The following IMPG1 variants were observed in gnomAD, a reference collection of about 807,000 sequenced individuals.
IMPG1 encodes the protein interphotoreceptor matrix proteoglycan of 150 kDa.
A neutral mutation model predicts 92.0 loss-of-function variants in IMPG1; 85 were observed. The observed-to-expected ratio is 0.92, with a 90% CI of 0.78 to 1.11. The LOEUF is 1.11. IMPG1 is among the 50% of genes least tolerant of loss of function. The pLI is 0.00. For missense variants in IMPG1, 1,022 were observed against 956.0 expected, an observed-to-expected ratio of 1.07 and a Z score of -0.91; for synonymous variants, 367 against 334.1, an observed-to-expected ratio of 1.10 and a Z score of -1.08.
chr6:75,992,210 C>T (rs1782823733), intron 12 of IMPG1, among the ~76,000 whole-genome samples: 2 of 152,204 alleles, frequency 1.3e-5, no homozygotes, highest in Admixed American at 1.3e-4. Context: ...CCTGGTTTTC[C>T]AGCCTGCCAC....
At chr6:75,974,365 TTCTTTC>T (rs1782481679) in intron 12 of IMPG1, among the ~76,000 whole-genome samples, 1 of 125,418 alleles carries the variant, frequency 8.0e-6, no homozygotes, top group East Asian at 2.4e-4. Context: ...CTTTCTTTCT[TTCTTTC>T]TTTCTTTCTT....
At chr6:76,002,366 A>G (rs1783007112) in intron 12 of IMPG1, among the ~76,000 whole-genome samples, 1 of 152,240 alleles carries the variant, frequency 6.6e-6, no homozygotes, top group South Asian at 2.1e-4. Context: ...TTGGAGATTC[A>G]AAAGTGAATC....
chr6:76,002,781 T>C, intron 12 of IMPG1, 137 bp downstream of exon 12: 1 of 669,412 alleles, frequency 1.5e-6, no homozygotes, highest in South Asian at 1.7e-5. Flanking sequence ...ACTGCTTTTC[T>C]GTTGGAAATG....
chr6:75,972,891 G>T (rs916173191), intron 12 of IMPG1, among the ~76,000 whole-genome samples: 1 of 152,180 alleles, frequency 6.6e-6, no homozygotes, highest in African/African-American at 2.4e-5. Context: ...AGTAAACCTG[G>T]AGAAGAGAAA....
chr6:76,055,576 TCA>T (rs1784107516), intron 1 of IMPG1, among the ~76,000 whole-genome samples: 1 of 151,240 alleles, frequency 6.6e-6, no homozygotes, highest in African/African-American at 2.4e-5. Context: ...GTGAAAGAGA[TCA>T]TAAATATAAA....
intron 7 of IMPG1, among the ~76,000 whole-genome samples, chr6:76,012,759 G>A (rs1268392513): frequency 6.6e-6 from 1 of 152,088 alleles, no homozygotes; most frequent in Non-Finnish European, 1.5e-5. Context: ...TCAGTGATAC[G>A]CAGCCTTGAG....
At chr6:76,047,600 C>A (rs1186778273) in intron 1 of IMPG1, among the ~76,000 whole-genome samples, 1 of 152,198 alleles carries the variant, frequency 6.6e-6, no homozygotes, top group African/African-American at 2.4e-5. Context: ...GTATTGTAAT[C>A]TTGCCCTCCC....
chr6:75,977,290 T>C (rs550443084), intron 12 of IMPG1, among the ~76,000 whole-genome samples: 4 of 152,174 alleles, frequency 2.6e-5, no homozygotes, highest in Non-Finnish European at 4.4e-5. Flanking sequence ...TTAAGATTGC[T>C]GCTAAAGACT....
In IMPG1 at chr6:75,974,408, C is replaced by CCTTCCTTG. The variant is rs1562354959; in HGVS notation, c.1292-23315_1292-23314insCAAGGAAG. ...CTTTCTTTCTTTTCTTTCTTTCCTT[C>CCTTCCTTG]CTTCCTTCCTTCCTTCCTTGCTTCC... On this transcript the variant is annotated intron_variant, in intron 12 of 16. Transcript: ENST00000369950. 2.3e-4 allele frequency among the ~76,000 whole-genome samples: 28 copies of CCTTCCTTG among 123,088 alleles called. No individual in the cohort carries two copies. The East Asian group carries it at 5.0e-3, about 22-fold the overall frequency. The allele number at this position is 123,088 out of a possible 152,430, so 80.8% of individuals were successfully genotyped here.
At chr6:75,925,403 C>T (rs554656206) in intron 15 of IMPG1, among the ~76,000 whole-genome samples, 13 of 152,028 alleles carry the variant, frequency 8.6e-5, no homozygotes, top group Non-Finnish European at 1.5e-5. Context: ...TATATATATT[C>T]CCTTATTCAA....
chr6:76,013,133 G>A (rs1412597152), intron 7 of IMPG1, among the ~76,000 whole-genome samples: 1 of 152,052 alleles, frequency 6.6e-6, no homozygotes, highest in East Asian at 1.9e-4. Context: ...GGAAGGAGAA[G>A]GTATCTCCTT....
At position 75,931,032 on chromosome 6, in the gene IMPG1, G is replaced by A. The variant is rs545180592; in HGVS notation, c.2164C>T (p.Leu722=). The A allele has an allele frequency of 2.0e-5, 32 of 1,614,214 alleles. No individual in the cohort carries two copies. Among genetic ancestry groups the A allele is most frequent in the Non-Finnish European group, 2.5e-5 (30 of 1,180,038 alleles). The change falls in exon 15 of 17, where the codon CTG becomes TTG. Residue 722 remains leucine (L), a synonymous_variant. Coordinates refer to ENST00000369950, the MANE Select transcript of IMPG1 (RefSeq NM_001563.4). ...CAGAGGCCTGGTTCCAGACCGTCCA[G>A]GCTCCCCTGGCTGTCATATCCTGGT... ...CKPGYDSQGS[L]DGLEPGLCGP... is the part of the protein sequence containing the mutation.
At chr6:75,983,133 T>G (rs556843267) in intron 12 of IMPG1, among the ~76,000 whole-genome samples, 5 of 151,740 alleles carry the variant, frequency 3.3e-5, no homozygotes, top group Non-Finnish European at 7.4e-5. Context: ...AGTACTTTAT[T>G]GAAACTGATA....
intron 1 of IMPG1, among the ~76,000 whole-genome samples, chr6:76,060,383 C>T (rs1399157778): frequency 6.6e-6 from 1 of 152,152 alleles, no homozygotes; most frequent in Non-Finnish European, 1.5e-5. Flanking sequence ...TAAATAATTA[C>T]AGCGGCACAT....
chr6:76,034,931 A>G, intron 2 of IMPG1, 144 bp from the exon 3 acceptor site: 3 of 676,408 alleles, frequency 4.4e-6, no homozygotes, highest in East Asian at 2.7e-5. Flanking sequence ...CATTTAACAA[A>G]TATTTATTGA....
intron 11 of IMPG1, 77 bp downstream of exon 11, chr6:76,003,797 C>T: frequency 9.0e-7 from 1 of 1,107,894 alleles, no homozygotes; most frequent in Non-Finnish European, 1.3e-6. Context: ...CTGTTCATTT[C>T]TTAAGCTGAT....
intron 12 of IMPG1, among the ~76,000 whole-genome samples, chr6:75,968,114 T>C (rs758678317): frequency 5.3e-5 from 8 of 152,220 alleles, no homozygotes; most frequent in Non-Finnish European, 1.2e-4. Flanking sequence ...TTGACAATGG[T>C]AAAATACAAA....
At chr6:75,986,210 C>G (rs993043327) in intron 12 of IMPG1, among the ~76,000 whole-genome samples, 7 of 152,054 alleles carry the variant, frequency 4.6e-5, no homozygotes, top group African/African-American at 1.4e-4. Flanking sequence ...TTAAATTTTG[C>G]ACCTGACACT....
At chr6:75,954,579 T>G in intron 12 of IMPG1, among the ~76,000 whole-genome samples, 1 of 152,232 alleles carries the variant, frequency 6.6e-6, no homozygotes, top group East Asian at 1.9e-4. Flanking sequence ...TTCACTCTGA[T>G]GATAGTTTCT....
Sources: gnomAD v4.1 joint callset for allele counts (sites outside exome capture counted in the v4.1 genomes callset) on GRCh38, gnomAD v4.1.1 for gene constraint, MANE v1.5 for transcripts, NCBI Gene and HGNC (gene_info 2026-07-23, HGNC 2026-07-21) for gene names.